The following CDH19 variants were observed in gnomAD, a reference collection of about 807,000 sequenced individuals.
The protein encoded by CDH19 is cadherin 19.
A neutral mutation model predicts 64.2 loss-of-function variants in CDH19; 67 were observed. That is an observed-to-expected ratio of 1.04 (90% CI 0.86 to 1.28). CDH19 has a LOEUF of 1.28. Ranked by LOEUF, CDH19 falls within the 50% of genes most tolerant of loss-of-function variation. The probability of loss-of-function intolerance (pLI) is 0.00; values close to 1 mark genes in which losing one functional copy is unlikely to be tolerated. For missense variants in CDH19, 1,030 were observed against 929.0 expected, an observed-to-expected ratio of 1.11 and a Z score of -1.41; for synonymous variants, 346 against 319.3, an observed-to-expected ratio of 1.08 and a Z score of -0.89.
intron 3 of CDH19, among the ~76,000 whole-genome samples, chr18:66,565,757 A>G (rs1987885554): frequency 6.6e-6 from 1 of 151,952 alleles, no homozygotes; most frequent in Admixed American, 6.6e-5. Context: ...AAAGCAATAG[A>G]AATATTCCCC....
At chr18:66,561,366 A>G (rs551039982) in intron 3 of CDH19, among the ~76,000 whole-genome samples, 4 of 152,238 alleles carry the variant, frequency 2.6e-5, no homozygotes, top group African/African-American at 9.6e-5. Flanking sequence ...TTAAAACAAC[A>G]GTGACAATAT....
intron 3 of CDH19, among the ~76,000 whole-genome samples, chr18:66,556,001 C>G (rs1315664905): frequency 6.6e-6 from 1 of 151,620 alleles, no homozygotes; most frequent in Non-Finnish European, 1.5e-5. Flanking sequence ...GTCTTTAGAG[C>G]CCCTAAGCTA....
At chr18:66,589,797 T>C (rs1440635722) in intron 1 of CDH19, among the ~76,000 whole-genome samples, 2 of 151,958 alleles carry the variant, frequency 1.3e-5, no homozygotes, top group Non-Finnish European at 2.9e-5. Flanking sequence ...TTGTGTTGTG[T>C]AGAATCAGTA....
chr18:66,543,252 C>T (rs1287914115), intron 7 of CDH19, among the ~76,000 whole-genome samples: 4 of 152,048 alleles, frequency 2.6e-5, no homozygotes, highest in Non-Finnish European at 4.4e-5. Flanking sequence ...TGGTCTCGAT[C>T]TCCTGACCTC....
At chr18:66,505,859 G>T (rs1227986878) in intron 11 of CDH19, among the ~76,000 whole-genome samples, 3 of 151,746 alleles carry the variant, frequency 2.0e-5, no homozygotes, top group East Asian at 1.9e-4. Flanking sequence ...TATATTTATT[G>T]ATTGATTTTA....
At chr18:66,522,438 C>CG (rs1291614022) in intron 9 of CDH19, among the ~76,000 whole-genome samples, 1 of 151,856 alleles carries the variant, frequency 6.6e-6, no homozygotes, top group Non-Finnish European at 1.5e-5. Flanking sequence ...TTAGTAGAGA[C>CG]GGGGGTGCGC....
intron 4 of CDH19, among the ~76,000 whole-genome samples, chr18:66,552,633 G>A (rs1353768126): frequency 7.4e-6 from 1 of 134,558 alleles, no homozygotes; most frequent in East Asian, 1.9e-4. Context: ...TCAGCCTTTT[G>A]ACTGAATAAA....
chr18:66,529,908 A>G lies in CDH19; in HGVS notation c.1395T>C (p.Asp465=), dbSNP rs149211500. ...AGTATTGAGAGAACTCAGGAGCATG[A>G]TCATTGATGTTAAGAACTTGCACAT... The part of the protein sequence containing the change: ...PLYVQVLNIN[D]HAPEFSQYYE... Residue 465 remains aspartate, a synonymous_variant, in exon 9 of 12, where the codon GAT becomes GAC. Transcript: ENST00000262150. The G allele has an allele frequency of 1.1e-5, 17 of 1,588,848 alleles. No homozygotes were observed. In the Admixed American group the frequency reaches 1.2e-4, roughly 11 times the overall value.
At chr18:66,573,040 A>G (rs932456093) in intron 1 of CDH19, among the ~76,000 whole-genome samples, 9 of 151,706 alleles carry the variant, frequency 5.9e-5, no homozygotes, top group African/African-American at 1.9e-4. Flanking sequence ...ATCTTCTAGT[A>G]TTTAAATATT....
At chr18:66,551,810 TA>T (rs1987354713) in intron 4 of CDH19, among the ~76,000 whole-genome samples, 1 of 151,990 alleles carries the variant, frequency 6.6e-6, no homozygotes, top group Admixed American at 6.6e-5. Context: ...AATATTGCAA[TA>T]AATGCTTAAA....
At chr18:66,583,818 G>T (rs1485540793) in intron 1 of CDH19, among the ~76,000 whole-genome samples, 1 of 152,000 alleles carries the variant, frequency 6.6e-6, no homozygotes, top group Non-Finnish European at 1.5e-5. Flanking sequence ...ATTGAAACTG[G>T]ACCCTTTCCT....
chr18:66,567,054 C>T (rs1295350314), intron 3 of CDH19, among the ~76,000 whole-genome samples: 1 of 151,768 alleles, frequency 6.6e-6, no homozygotes, highest in Non-Finnish European at 1.5e-5. Context: ...ATCATCATAC[C>T]TCACCCATAC....
Position 66,504,735 on chromosome 18 carries a change from G to A in CDH19, c.*77C>T. 6.9e-7 allele frequency: 1 copy of A among 1,442,296 alleles called. No individual in the cohort carries two copies. The highest frequency in any genetic ancestry group is 9.3e-7 in the Non-Finnish European group (1 of 1,071,644). 89.3% of individuals were successfully genotyped at this position (1,442,296 alleles called of 1,614,324 possible). On this transcript the variant is annotated 3_prime_UTR_variant, in exon 12 of 12. Coordinates refer to ENST00000262150, the MANE Select transcript of CDH19 (RefSeq NM_021153.4). ...TAGGGCTTTCCCCGCCATAGAGCCA[G>A]GGCACAAAACTCTTTAAGACTACCA... is the stretch of plus-strand genomic sequence containing the variant.
intron 7 of CDH19, among the ~76,000 whole-genome samples, chr18:66,539,200 A>T (rs1440041357): frequency 2.0e-5 from 3 of 152,164 alleles, no homozygotes; most frequent in African/African-American, 7.2e-5. Flanking sequence ...TTATCTAGGC[A>T]ATAATCAAGT....
At chr18:66,596,610 CTATAA>C (rs1988895128) in intron 1 of CDH19, among the ~76,000 whole-genome samples, 1 of 151,924 alleles carries the variant, frequency 6.6e-6, no homozygotes, top group African/African-American at 2.4e-5. Context: ...TGTAATTTCT[CTATAA>C]TGAGAGTTAC....
chr18:66,509,387 A>C (rs943283129), intron 10 of CDH19, 141 bp from the exon 11 acceptor site: 1 of 629,728 alleles, frequency 1.6e-6, no homozygotes, highest in African/African-American at 1.8e-5. Context: ...TCTGACGAGA[A>C]GACAACTAAA....
chr18:66,530,374 C>G lies in CDH19; in HGVS notation c.1337-408G>C, dbSNP rs976943621. Among the ~76,000 whole-genome samples, 5 of 151,936 alleles carry G rather than the reference C, an allele frequency of 3.3e-5. No individual in the cohort carries two copies. The South Asian group carries it at 8.3e-4, about 25-fold the overall frequency. On this transcript the variant is annotated intron_variant, in intron 8 of 11. Coordinates refer to ENST00000262150, the MANE Select transcript of CDH19 (RefSeq NM_021153.4). Reference sequence around the variant, plus strand: ...TTTTACGGATAAAAAATTGATAAACCATTTAGTTTCAAAAATTACAGTTAA... The same window carrying G: ...TTTTACGGATAAAAAATTGATAAACGATTTAGTTTCAAAAATTACAGTTAA...
chr18:66,546,842 G>T (rs1189628940), intron 5 of CDH19, among the ~76,000 whole-genome samples: 1 of 151,772 alleles, frequency 6.6e-6, no homozygotes, highest in Admixed American at 6.6e-5. Flanking sequence ...TCTGGGAAAA[G>T]AGAGGATAAT....
chr18:66,537,050 T>C (rs1485364374), intron 7 of CDH19, among the ~76,000 whole-genome samples: 5 of 151,966 alleles, frequency 3.3e-5, no homozygotes, highest in Non-Finnish European at 7.4e-5. Flanking sequence ...CATTTCTACA[T>C]GCTCTTCACT....
Sources: gnomAD v4.1 joint callset for allele counts (sites outside exome capture counted in the v4.1 genomes callset) on GRCh38, gnomAD v4.1.1 for gene constraint, MANE v1.5 for transcripts, NCBI Gene and HGNC (gene_info 2026-07-23, HGNC 2026-07-21) for gene names.